The following FGFR2 variants were observed in gnomAD, a reference collection of about 807,000 sequenced individuals.
FGFR2 encodes the protein BEK fibroblast growth factor receptor.
Under a neutral mutation model 95.9 loss-of-function variants are expected in FGFR2, and 19 were observed. The observed-to-expected ratio is 0.20, with a 90% CI of 0.14 to 0.29. FGFR2 has a LOEUF of 0.29. Ranked by LOEUF, FGFR2 falls within the 10% of genes least tolerant of loss-of-function variation. FGFR2 has a pLI of 1.00. For missense variants in FGFR2, 707 were observed against 1,056.9 expected, an observed-to-expected ratio of 0.67 and a Z score of 4.59; for synonymous variants, 392 against 393.3, an observed-to-expected ratio of 1.00 and a Z score of 0.04.
At chr10:121,528,606 T>G (rs1023161223) in intron 6 of FGFR2, among the ~76,000 whole-genome samples, 1 of 152,212 alleles carries the variant, frequency 6.6e-6, no homozygotes, top group African/African-American at 2.4e-5. Context: ...TCAGCCCATC[T>G]GAGCAAACAA....
chr10:121,495,190 C>T (rs552831313), intron 13 of FGFR2, among the ~76,000 whole-genome samples: 2 of 152,104 alleles, frequency 1.3e-5, no homozygotes, highest in Admixed American at 1.3e-4. Context: ...AACACAATCA[C>T]AGAAGTCAAA....
At chr10:121,519,343 G>A (rs1384711351) in intron 7 of FGFR2, among the ~76,000 whole-genome samples, 1 of 152,130 alleles carries the variant, frequency 6.6e-6, no homozygotes, top group African/African-American at 2.4e-5. Flanking sequence ...ATGGGGGCTT[G>A]CAAATAAGAA....
chr10:121,552,936 G>C (rs1007754755), intron 4 of FGFR2, among the ~76,000 whole-genome samples: 37 of 152,182 alleles, frequency 2.4e-4, no homozygotes, highest in African/African-American at 7.7e-4. Flanking sequence ...CTTTGTCTCT[G>C]ATGCATATTT....
At chr10:121,540,402 T>C (rs893483283) in intron 5 of FGFR2, among the ~76,000 whole-genome samples, 79 of 152,276 alleles carry the variant, frequency 5.2e-4, no homozygotes, top group African/African-American at 1.9e-3. Flanking sequence ...GCGTCTCCCC[T>C]TAAGAGAGAT....
chr10:121,595,563 T>C (rs1280657573), intron 1 of FGFR2, among the ~76,000 whole-genome samples: 2 of 152,260 alleles, frequency 1.3e-5, no homozygotes, highest in Non-Finnish European at 2.9e-5. Context: ...CTCTTAACTT[T>C]TCTTTCCTCT....
chr10:121,497,118 G>C (rs184408228), intron 12 of FGFR2, among the ~76,000 whole-genome samples: 1 of 121,562 alleles, frequency 8.2e-6, no homozygotes, highest in African/African-American at 3.1e-5. Flanking sequence ...GCAACAGAGC[G>C]AGACTTTGTC....
rs781527776 is a variant in FGFR2, at chr10:121,479,916, T to A, written c.2407A>T (p.Met803Leu). ...TGAGGAAGGCATGGTTCGTAAGGCATGGGGTCTGGAGAAAAAACAGAATCA... is the reference window on the plus strand; with the variant it reads ...TGAGGAAGGCATGGTTCGTAAGGCAAGGGGTCTGGAGAAAAAACAGAATCA... ...GDDSVFSPDP[M>L]PYEPCLPQYP... The change falls in exon 18 of 18, where the codon ATG becomes TTG. Residue 803 changes from methionine (M) to leucine (L), a missense_variant. This residue lies in a region of FGFR2 where 51 missense variants were observed against 50.2 expected (regional missense o/e 1.01). Coordinates refer to ENST00000358487, the MANE Select transcript of FGFR2 (RefSeq NM_000141.5). 1.9e-6 allele frequency: 3 copies of A among 1,614,090 alleles called. No homozygotes were observed. The highest frequency in any genetic ancestry group is 2.5e-6 in the Non-Finnish European group (3 of 1,179,996).
chr10:121,574,168 C>T (rs1859313931), intron 2 of FGFR2, among the ~76,000 whole-genome samples: 1 of 152,112 alleles, frequency 6.6e-6, no homozygotes, highest in South Asian at 2.1e-4. Context: ...TGGAAGAGCC[C>T]AGCCCCCTCT....
chr10:121,558,195 G>C (rs1856447871), intron 4 of FGFR2, among the ~76,000 whole-genome samples: 2 of 152,178 alleles, frequency 1.3e-5, no homozygotes, highest in African/African-American at 4.8e-5. Flanking sequence ...GTTGCTGCCA[G>C]ATAACCCATT....
chr10:121,503,181 G>A (rs3135778), intron 10 of FGFR2, among the ~76,000 whole-genome samples: 1 of 152,166 alleles, frequency 6.6e-6, no homozygotes, highest in African/African-American at 2.4e-5. Flanking sequence ...GTTCAAGCGA[G>A]ACCAAGAGAT....
intron 6 of FGFR2, among the ~76,000 whole-genome samples, chr10:121,536,070 T>C (rs1200335552): frequency 6.6e-6 from 1 of 152,226 alleles, no homozygotes; most frequent in Non-Finnish European, 1.5e-5. Context: ...GAAAAGCTGT[T>C]ATCACACAGC....
rs746045068 is a variant in FGFR2, at chr10:121,590,989, G to GCACACACA, written c.109+2712_109+2719dup. Among the ~76,000 whole-genome samples, 578 of 148,816 alleles carry GCACACACA rather than the reference G, an allele frequency of 3.9e-3. 3 individuals are homozygous for GCACACACA. Among genetic ancestry groups the GCACACACA allele is most frequent in the African/African-American group, 0.013 (531 of 40,192 alleles). ...CACGCACGCACGCACGCGCACTCGC[G>GCACACACA]CACACACACACACACACGCACACTC... On this transcript the variant is annotated intron_variant, in intron 2 of 17. Coordinates refer to ENST00000358487, the MANE Select transcript of FGFR2 (RefSeq NM_000141.5).
At chr10:121,490,362 C>A (rs1845978023) in intron 13 of FGFR2, among the ~76,000 whole-genome samples, 1 of 152,064 alleles carries the variant, frequency 6.6e-6, no homozygotes, top group African/African-American at 2.4e-5. Flanking sequence ...TAGGGTTTCA[C>A]CATGTTGGTC....
At chr10:121,583,710 A>T (rs1861310143) in intron 2 of FGFR2, 1 of 153,586 alleles carries the variant, frequency 6.5e-6, no homozygotes, top group Non-Finnish European at 1.5e-5. Context: ...CAGGTTTAAT[A>T]GTCAAACGAC....
chr10:121,513,323 T>C (rs539592835), intron 9 of FGFR2, among the ~76,000 whole-genome samples: 9 of 152,342 alleles, frequency 5.9e-5, no homozygotes, highest in African/African-American at 2.2e-4. Flanking sequence ...TATTTCCAAA[T>C]ACTATTTTTC....
intron 4 of FGFR2, among the ~76,000 whole-genome samples, chr10:121,560,939 ATGCTGC>A (rs966684489): frequency 9.9e-5 from 15 of 152,200 alleles, no homozygotes; most frequent in African/African-American, 3.6e-4. Flanking sequence ...GGTGATGCTG[ATGCTGC>A]TGGTCCAGGA....
rs1589832874 is a variant in FGFR2 at position 121,518,724 on chromosome 10, C to T, written c.939+1255G>A. On this transcript the variant is annotated intron_variant, in intron 7 of 17. Transcript: ENST00000358487. This position sits in a 1 kb window ranked among gnomAD's most constrained non-coding sequence, Gnocchi z 4.0. ...ACAGTGAGCCAGGCAGACTGGTTGG[C>T]CTGCCCTATATAATTGGAGACCTTA... The T allele has an allele frequency of 4.3e-6, 7 of 1,614,048 alleles. No individual in the cohort carries two copies. Among genetic ancestry groups the T allele is most frequent in the Non-Finnish European group, 5.9e-6 (7 of 1,180,034 alleles).
intron 5 of FGFR2, among the ~76,000 whole-genome samples, chr10:121,549,110 C>T (rs1419355082): frequency 2.0e-5 from 3 of 152,178 alleles, no homozygotes; most frequent in Non-Finnish European, 4.4e-5. Flanking sequence ...TCACTGCCCA[C>T]CATGCGTTCT....
At chr10:121,548,779 G>A (rs1854947994) in intron 5 of FGFR2, among the ~76,000 whole-genome samples, 2 of 152,096 alleles carry the variant, frequency 1.3e-5, no homozygotes, top group African/African-American at 4.8e-5. Context: ...CATCAATTAT[G>A]TGAGTTTCAG....
Sources: gnomAD v4.1 joint callset for allele counts (sites outside exome capture counted in the v4.1 genomes callset) on GRCh38, gnomAD v4.1.1 for gene constraint, gnomAD v4.1.1 regional missense constraint, Gnocchi (gnomAD v3.1) non-coding constraint, MANE v1.5 for transcripts, NCBI Gene and HGNC (gene_info 2026-07-23, HGNC 2026-07-21) for gene names.